The following G3BP2 variants were observed in gnomAD, a reference collection of about 807,000 sequenced individuals.
G3BP2 encodes the protein ras GTPase-activating protein-binding protein 2.
A neutral mutation model predicts 56.7 loss-of-function variants in G3BP2; 11 were observed. The ratio of observed to expected loss-of-function variants is 0.19; its 90% CI spans 0.12 to 0.32. The LOEUF (loss-of-function observed/expected upper bound fraction) is 0.32, where lower values mean the gene tolerates loss of function less well. G3BP2 is among the 10% of genes least tolerant of loss of function. G3BP2 has a pLI of 1.00. For synonymous variants in G3BP2, 165 were observed against 191.6 expected (o/e 0.86, Z 1.15); for missense variants, 340 against 610.9 (o/e 0.56, Z 4.67).
At chr4:75,651,470 T>A (rs1385864538) in intron 8 of G3BP2, among the ~76,000 whole-genome samples, 2 of 152,178 alleles carry the variant, frequency 1.3e-5, no homozygotes, top group Non-Finnish European at 2.9e-5. Context: ...TACAAATAAT[T>A]CATGCCATTG....
At chr4:75,713,772 CA>C (rs1208311318) in intron 3 of G3BP2, among the ~76,000 whole-genome samples, 40 of 152,238 alleles carry the variant, frequency 2.6e-4, no homozygotes, top group African/African-American at 8.7e-4. Context: ...CCAGGCGACA[CA>C]GTAAGACCCC....
At chr4:75,676,845 T>C (rs1733894218), upstream of G3BP2, among the ~76,000 whole-genome samples, 1 of 152,142 alleles carries the variant, frequency 6.6e-6, no homozygotes, top group Admixed American at 6.6e-5. Flanking sequence ...CTCAGGTCCT[T>C]ACCATGGCCT....
chr4:75,649,293 G>A (rs78619996), intron 8 of G3BP2, among the ~76,000 whole-genome samples: 327 of 152,172 alleles, frequency 2.1e-3, no homozygotes, highest in African/African-American at 7.5e-3. Flanking sequence ...CTACCTGTAA[G>A]GTTAAAATGC....
chr4:75,718,472 C>A (rs1720016023), intron 3 of G3BP2, among the ~76,000 whole-genome samples: 1 of 151,522 alleles, frequency 6.6e-6, no homozygotes, highest in Non-Finnish European at 1.5e-5. Context: ...AAAATAATTT[C>A]AAAAAAAACT....
chr4:75,719,153 C>G (rs1720045085), intron 3 of G3BP2, among the ~76,000 whole-genome samples: 1 of 151,710 alleles, frequency 6.6e-6, no homozygotes, highest in South Asian at 2.1e-4. Context: ...TCGAGACCAT[C>G]CCGGCTAAAA....
chr4:75,691,038 T>G (rs1178600285), intron 3 of G3BP2, among the ~76,000 whole-genome samples: 1 of 152,082 alleles, frequency 6.6e-6, no homozygotes, highest in African/African-American at 2.4e-5. Context: ...ACTCCCAGAC[T>G]GGGTATCAGT....
At position 75,673,280 on chromosome 4, in the gene G3BP2, T is replaced by A; in HGVS notation, c.-97A>T. ...TCGCTGAGGACCGGGTGCGGCGGGT[T>A]CTTATTGCTCGCCGCCCCCTTCCTC... On this transcript the variant is annotated 5_prime_UTR_variant, in exon 1 of 12. Transcript: ENST00000359707. The A allele has an allele frequency of 1.6e-6, 2 of 1,226,192 alleles. No individual in the cohort carries two copies. Among genetic ancestry groups the A allele is most frequent in the Non-Finnish European group, 2.0e-6 (2 of 984,758 alleles). The allele number at this position is 1,226,192 out of a possible 1,614,324, so 76.0% of individuals were successfully genotyped here.
intron 3 of G3BP2, among the ~76,000 whole-genome samples, chr4:75,716,281 T>C (rs963677301): frequency 1.3e-5 from 2 of 151,594 alleles, no homozygotes; most frequent in African/African-American, 4.9e-5. Context: ...GAGATTCTTG[T>C]GTCTCGGCCT....
intron 5 of G3BP2, among the ~76,000 whole-genome samples, chr4:75,656,094 G>A (rs1264070682): frequency 1.3e-5 from 2 of 150,922 alleles, no homozygotes; most frequent in African/African-American, 4.9e-5. Context: ...GGGTTCAAAC[G>A]ATTCTCCTGC....
intron 1 of G3BP2, among the ~76,000 whole-genome samples, chr4:75,668,283 T>C (rs1411381702): frequency 6.6e-6 from 1 of 152,220 alleles, no homozygotes; most frequent in Non-Finnish European, 1.5e-5. Context: ...ACCAAAGTTA[T>C]CACTCTCCTT....
Position 75,673,287 on chromosome 4 carries a change from G to T in G3BP2, c.-104C>A. On this transcript the variant is annotated 5_prime_UTR_variant, in exon 1 of 12. Coordinates refer to ENST00000359707, the MANE Select transcript of G3BP2 (RefSeq NM_203505.3). ...GGACCGGGTGCGGCGGGTTCTTATT[G>T]CTCGCCGCCCCCTTCCTCCGACAAC... 1 of 1,220,150 alleles carries T rather than the reference G, an allele frequency of 8.2e-7. No homozygotes were observed. The highest frequency in any genetic ancestry group is 1.0e-6 in the Non-Finnish European group (1 of 981,396). 75.6% of individuals were successfully genotyped at this position (1,220,150 alleles called of 1,614,324 possible). A position where few individuals can be genotyped will look rare whatever the true frequency, so the allele number is the denominator to read the frequency against.
chr4:75,690,786 T>C (rs1184753542), intron 3 of G3BP2, among the ~76,000 whole-genome samples: 1 of 151,868 alleles, frequency 6.6e-6, no homozygotes, highest in Non-Finnish European at 1.5e-5. Context: ...GTAGTCTCAA[T>C]CTCCTGGGCT....
Position 75,645,535 on chromosome 4 carries a change from A to G in G3BP2, c.1344T>C (p.Asp448=), listed in dbSNP as rs966852883. ...RGIVGGGMMR[D]RDGRGPPPRG... is the part of the protein sequence containing the mutation. ...TTGGAGGAGGTCCTCTTCCATCACG[A>G]TCACGCATCATTCCACCACCCACAA... Residue 448 remains aspartate, a synonymous_variant, in exon 12 of 12, where the codon GAT becomes GAC. Transcript: ENST00000359707. 2 of 1,613,642 alleles carry G rather than the reference A, an allele frequency of 1.2e-6. No homozygotes were observed. Among genetic ancestry groups the G allele is most frequent in the African/African-American group, 2.7e-5 (2 of 74,776 alleles).
intron 3 of G3BP2, among the ~76,000 whole-genome samples, chr4:75,707,675 A>T (rs1719606473): frequency 6.6e-6 from 1 of 151,824 alleles, no homozygotes; most frequent in South Asian, 2.1e-4. Context: ...GGTTAGCTTT[A>T]TTATAATCCG....
At chr4:75,663,740 A>T (rs1732755853) in intron 1 of G3BP2, among the ~76,000 whole-genome samples, 2 of 151,752 alleles carry the variant, frequency 1.3e-5, no homozygotes, top group Admixed American at 1.3e-4. Context: ...GGTGCCTGTA[A>T]TCCCAGCCAC....
At chr4:75,664,623 G>A (rs1359224256) in intron 1 of G3BP2, among the ~76,000 whole-genome samples, 1 of 147,226 alleles carries the variant, frequency 6.8e-6, no homozygotes, top group African/African-American at 2.5e-5. Flanking sequence ...TGAGCTGGGA[G>A]GATCATTTGA....
chr4:75,651,978 G>A (rs1439578392), intron 8 of G3BP2, among the ~76,000 whole-genome samples: 2 of 152,048 alleles, frequency 1.3e-5, no homozygotes, highest in African/African-American at 4.8e-5. Flanking sequence ...AAAGTACAAG[G>A]AAATGAATAC....
At chr4:75,666,175 T>C (rs1475403113) in intron 1 of G3BP2, among the ~76,000 whole-genome samples, 7 of 152,212 alleles carry the variant, frequency 4.6e-5, no homozygotes, top group Admixed American at 4.6e-4. Flanking sequence ...ACTATCTACA[T>C]GGTCACTGAA....
intron 1 of G3BP2, 96 bp downstream of exon 1, chr4:75,673,112 C>T (rs1733635669): frequency 1.9e-6 from 2 of 1,076,708 alleles, no homozygotes; most frequent in Non-Finnish European, 2.2e-6. Flanking sequence ...GGCTCCCGGG[C>T]TCACACACCG....
Sources: gnomAD v4.1 joint callset for allele counts (sites outside exome capture counted in the v4.1 genomes callset) on GRCh38, gnomAD v4.1.1 for gene constraint, MANE v1.5 for transcripts, NCBI Gene and HGNC (gene_info 2026-07-23, HGNC 2026-07-21) for gene names.